Variants in NUP160 observed in about 807,000 individuals in gnomAD.
NUP160 encodes the protein nuclear pore complex protein Nup160.
Under a neutral mutation model 196.9 loss-of-function variants are expected in NUP160, and 94 were observed. The observed-to-expected ratio is 0.48, with a 90% confidence interval of 0.40 to 0.57. The LOEUF (loss-of-function observed/expected upper bound fraction) is 0.57. NUP160 is among the 20% of genes least tolerant of loss of function. The pLI, the probability that NUP160 is intolerant of heterozygous loss-of-function variation, is 0.00. For synonymous variants in NUP160, 605 were observed against 619.7 expected (o/e 0.98, Z 0.35); for missense variants, 1,638 against 1,748.3 (o/e 0.94, Z 1.13).
rs1336413020 is a variant in NUP160 at position 47,804,949 on chromosome 11, C to A, written c.2607-331G>T. ...CCCAGGAAATCAAGACCAGCCTGGGCAACACATAAGAGTCCTGTCTCTAAA... is the reference window on the plus strand; with the variant it reads ...CCCAGGAAATCAAGACCAGCCTGGGAAACACATAAGAGTCCTGTCTCTAAA... On this transcript the variant is annotated intron_variant, in intron 20 of 35. Coordinates refer to ENST00000378460, the Ensembl canonical transcript of NUP160. 1.4e-4 allele frequency among the ~76,000 whole-genome samples: 22 copies of A among 152,024 alleles called. 1 individual carries two copies. The highest frequency in any genetic ancestry group is 1.4e-3 in the Admixed American group (21 of 15,242).
chr11:47,799,832 C>T (rs1426021337), intron 23 of NUP160, among the ~76,000 whole-genome samples: 1 of 152,190 alleles, frequency 6.6e-6, no homozygotes, highest in Non-Finnish European at 1.5e-5. Context: ...AGGCGTGAGC[C>T]ACTGCACCCA....
At chr11:47,800,945 A>G (rs867127758) in intron 23 of NUP160, among the ~76,000 whole-genome samples, 3 of 152,166 alleles carry the variant, frequency 2.0e-5, no homozygotes, top group African/African-American at 7.2e-5. Context: ...ATAAGCAGAG[A>G]CCTGAATGGA....
At chr11:47,836,380 C>T (rs1852176253) in intron 6 of NUP160, among the ~76,000 whole-genome samples, 1 of 152,142 alleles carries the variant, frequency 6.6e-6, no homozygotes, top group Non-Finnish European at 1.5e-5. Flanking sequence ...TACCAACTTA[C>T]ATTTTAAAAA....
intron 7 of NUP160, 88 bp from the exon 8 acceptor site, chr11:47,822,252 T>TA (rs200777220): frequency 9.5e-5 from 86 of 903,822 alleles, no homozygotes; most frequent in Admixed American, 1.9e-4. Flanking sequence ...CAGAAACCTT[T>TA]AAAAAAAAAT....
At chr11:47,813,809 C>T (rs954804501) in intron 13 of NUP160, among the ~76,000 whole-genome samples, 6 of 152,052 alleles carry the variant, frequency 3.9e-5, no homozygotes, top group South Asian at 2.1e-4. Context: ...CAGTGGCTCA[C>T]GCCTGTAATC....
intron 17 of NUP160, among the ~76,000 whole-genome samples, chr11:47,809,756 AAAG>A (rs199790219): frequency 6.2e-4 from 93 of 150,574 alleles, no homozygotes; most frequent in Middle Eastern, 3.4e-3. Context: ...AAAAAAAAAA[AAAG>A]ATGTGCGGAA....
intron 35 of NUP160, among the ~76,000 whole-genome samples, 191 bp from the exon 36 acceptor site, chr11:47,779,385 T>C (rs1209825368): frequency 2.0e-5 from 3 of 152,214 alleles, no homozygotes; most frequent in Admixed American, 2.0e-4. Flanking sequence ...CTCTCTGTTA[T>C]ATACAACATT....
At chr11:47,792,759 A>G (rs756928525) in intron 28 of NUP160, 27 bp downstream of exon 28, 1 of 1,572,772 alleles carries the variant, frequency 6.4e-7, no homozygotes, top group South Asian at 1.2e-5. Flanking sequence ...ATGAACCCCC[A>G]AATTCCAGGA....
intron 31 of NUP160, among the ~76,000 whole-genome samples, chr11:47,787,705 G>A (rs1480423072): frequency 6.6e-6 from 1 of 150,594 alleles, no homozygotes; most frequent in African/African-American, 2.4e-5. Context: ...GAGCCACTGT[G>A]CCTGGCCAAG....
intron 23 of NUP160, among the ~76,000 whole-genome samples, chr11:47,801,365 T>C (rs2097674068): frequency 6.6e-6 from 1 of 152,254 alleles, no homozygotes; most frequent in Non-Finnish European, 1.5e-5. Flanking sequence ...TTTGTTTTTT[T>C]TTGGAGACGG....
At chr11:47,841,831 GT>G (rs1371301603) in intron 2 of NUP160, 1 of 166,344 alleles carries the variant, frequency 6.0e-6, no homozygotes, top group African/African-American at 2.4e-5. Flanking sequence ...GGGACTACAG[GT>G]GTGCACCACC....
Position 47,848,022 on chromosome 11 carries a change from G to A in NUP160, c.203-63C>T, listed in dbSNP as rs760268777. Reference sequence around the variant, plus strand: ...CTGAGAAATGACAGGGACTAAGGGAGCTGACAAAGCAGAGAGTGACAGACT... The same window carrying A: ...CTGAGAAATGACAGGGACTAAGGGAACTGACAAAGCAGAGAGTGACAGACT... On this transcript the variant is annotated intron_variant, in intron 1 of 35. Coordinates refer to ENST00000378460, the Ensembl canonical transcript of NUP160. 28 of 1,389,296 alleles carry A rather than the reference G, an allele frequency of 2.0e-5. No homozygotes were observed. The South Asian group carries it at 2.7e-4, about 13-fold the overall frequency. The allele number at this position is 1,389,296 out of a possible 1,614,324, so 86.1% of individuals were successfully genotyped here.
intron 2 of NUP160, among the ~76,000 whole-genome samples, chr11:47,844,507 T>G (rs1421290178): frequency 1.3e-5 from 2 of 152,172 alleles, no homozygotes; most frequent in Admixed American, 1.3e-4. Context: ...AGGCTCCTGT[T>G]TCAGGGTTCT....
At position 47,788,154 on chromosome 11, in the gene NUP160, G is replaced by T. The variant is rs541438155; in HGVS notation, c.3746+28C>A. 18 of 1,581,512 alleles carry T rather than the reference G, an allele frequency of 1.1e-5. No individual in the cohort carries two copies. The South Asian group carries it at 1.6e-4, about 14-fold the overall frequency. Reference sequence around the variant, plus strand: ...AGGATAATATATTTGCATTAGAAAAGACTATAAAAAAATAATTTTATACAT... The same window carrying T: ...AGGATAATATATTTGCATTAGAAAATACTATAAAAAAATAATTTTATACAT... On this transcript the variant is annotated intron_variant, in intron 31 of 35. Transcript: ENST00000378460.
chr11:47,778,842 T>G (rs541204217), exon 36 of NUP160: 7 of 293,648 alleles, frequency 2.4e-5, no homozygotes, highest in Non-Finnish European at 4.5e-5. Flanking sequence ...TTTAAAAAAA[T>G]ATAAACTCTA....
chr11:47,813,563 C>A, intron 13 of NUP160, 148 bp from the exon 14 acceptor site: 1 of 592,924 alleles, frequency 1.7e-6, no homozygotes, highest in South Asian at 2.0e-5. Context: ...GGCACAGTGG[C>A]TCACATCTGT....
chr11:47,786,974 G>A (rs1026489647), intron 31 of NUP160: 1 of 178,624 alleles, frequency 5.6e-6, no homozygotes, highest in African/African-American at 2.4e-5. Context: ...ATATTTAGTA[G>A]AGACGGGGTT....
At chr11:47,787,797 A>G (rs2097665530) in intron 31 of NUP160, among the ~76,000 whole-genome samples, 2 of 151,942 alleles carry the variant, frequency 1.3e-5, no homozygotes, top group South Asian at 4.1e-4. Context: ...GGCTCATTGC[A>G]AGCTCTGCCT....
chr11:47,828,583 C>T (rs1488755662), intron 7 of NUP160, among the ~76,000 whole-genome samples: 1 of 133,198 alleles, frequency 7.5e-6, no homozygotes, highest in East Asian at 2.3e-4. Context: ...AACTGACAAG[C>T]TGATTCTAAA....
Sources: allele counts gnomAD v4.1 joint callset (sites outside exome capture counted in the v4.1 genomes callset), GRCh38; gene constraint gnomAD v4.1.1; transcripts MANE v1.5; gene names NCBI Gene and HGNC (gene_info 2026-07-23, HGNC 2026-07-21).